NDRG3: variants seen among roughly 807,000 people sequenced by gnomAD.
NDRG3 encodes NDRG family member 3, also known as protein NDRG3.
In NDRG3, 23 loss-of-function variants were observed where a neutral mutation model predicts 57.2. The observed-to-expected ratio is 0.40, with a 90% CI of 0.29 to 0.57. The LOEUF is 0.57. NDRG3 is among the 20% of genes least tolerant of loss of function. The pLI is 0.42. For synonymous variants in NDRG3, 132 were observed against 162.6 expected, an observed-to-expected ratio of 0.81 and a Z score of 1.43; for missense variants, 384 against 457.3, an observed-to-expected ratio of 0.84 and a Z score of 1.46.
chr20:36,734,370 A>C (rs1395882214), intron 1 of NDRG3, among the ~76,000 whole-genome samples: 1 of 152,226 alleles, frequency 6.6e-6, no homozygotes, highest in African/African-American at 2.4e-5. Context: ...AGTGAAAAGA[A>C]GAGAAATTCA....
chr20:36,691,038 C>A (rs1031685696), intron 3 of NDRG3, among the ~76,000 whole-genome samples: 3 of 152,210 alleles, frequency 2.0e-5, no homozygotes, highest in African/African-American at 4.8e-5. Flanking sequence ...CCTATCCTAG[C>A]GAATTTCTGT....
intron 9 of NDRG3, chr20:36,668,792 TTA>T (rs775358033): frequency 9.9e-5 from 15 of 151,218 alleles, no homozygotes; most frequent in Admixed American, 4.6e-4. Context: ...ATATACATAG[TTA>T]TATATAGAGA....
At chr20:36,681,258 GT>G (rs1262222553) in intron 7 of NDRG3, among the ~76,000 whole-genome samples, 1 of 151,134 alleles carries the variant, frequency 6.6e-6, no homozygotes, top group East Asian at 1.9e-4. Context: ...GGCTTCTGAA[GT>G]TTTTTTTTCT....
intron 3 of NDRG3, among the ~76,000 whole-genome samples, chr20:36,696,341 C>G (rs1030433647): frequency 2.6e-5 from 4 of 152,000 alleles, no homozygotes; most frequent in African/African-American, 9.7e-5. Context: ...GTGATCCACC[C>G]ACCTTGGCCT....
intron 9 of NDRG3, 72 bp downstream of exon 9, chr20:36,671,269 T>C (rs927697750): frequency 7.8e-7 from 1 of 1,289,290 alleles, no homozygotes. Context: ...GCAGCCCTTC[T>C]TTCCTAAGGT....
intron 1 of NDRG3, among the ~76,000 whole-genome samples, chr20:36,733,496 G>C (rs538856754): frequency 6.6e-6 from 1 of 151,322 alleles, no homozygotes; most frequent in African/African-American, 2.4e-5. Context: ...AGGCCAAGGC[G>C]GGCGGATCAC....
intron 12 of NDRG3, among the ~76,000 whole-genome samples, chr20:36,663,218 T>C (rs1398061915): frequency 6.6e-6 from 1 of 152,168 alleles, no homozygotes; most frequent in Middle Eastern, 3.2e-3. Context: ...ATGCCATGTA[T>C]TTCACAACAG....
intron 5 of NDRG3, among the ~76,000 whole-genome samples, 199 bp from the exon 6 acceptor site, chr20:36,684,674 A>G (rs545100110): frequency 6.6e-6 from 1 of 152,200 alleles, no homozygotes; most frequent in East Asian, 1.9e-4. Flanking sequence ...ACATGGAGAA[A>G]CCTCATCTCT....
chr20:36,655,330 C>T (rs76552500), intron 15 of NDRG3, among the ~76,000 whole-genome samples: 2,774 of 152,376 alleles, frequency 0.018, 34 homozygotes, highest in Non-Finnish European at 0.027. Flanking sequence ...ATTATCCACA[C>T]TAATACCAAA....
intron 2 of NDRG3, among the ~76,000 whole-genome samples, chr20:36,709,594 G>A (rs191919511): frequency 2.8e-4 from 42 of 152,326 alleles, no homozygotes; most frequent in Admixed American, 1.0e-3. Flanking sequence ...TGATTAAAAG[G>A]AGCATAATGT....
At chr20:36,729,291 T>G (rs1389837552) in intron 1 of NDRG3, among the ~76,000 whole-genome samples, 2 of 151,994 alleles carry the variant, frequency 1.3e-5, no homozygotes, top group Non-Finnish European at 2.9e-5. Context: ...GTGGAATGAG[T>G]AGAGAAAAGA....
At chr20:36,691,440 G>A (rs558122162) in intron 3 of NDRG3, among the ~76,000 whole-genome samples, 9 of 152,284 alleles carry the variant, frequency 5.9e-5, no homozygotes, top group African/African-American at 1.7e-4. Context: ...TAGGCCAGGC[G>A]CGGTGGCTCA....
At chr20:36,670,217 C>T (rs1464777354) in intron 9 of NDRG3, among the ~76,000 whole-genome samples, 1 of 152,074 alleles carries the variant, frequency 6.6e-6, no homozygotes, top group Non-Finnish European at 1.5e-5. Context: ...AAACTATATA[C>T]ATCAGTAAAT....
At chr20:36,716,587 G>C (rs951403389) in intron 2 of NDRG3, among the ~76,000 whole-genome samples, 1 of 150,024 alleles carries the variant, frequency 6.7e-6, no homozygotes, top group Non-Finnish European at 1.5e-5. Flanking sequence ...CCAAAACAAA[G>C]TATATAACTT....
At chr20:36,700,564 A>G in intron 3 of NDRG3, 1 of 508,292 alleles carries the variant, frequency 2.0e-6, no homozygotes, top group East Asian at 5.6e-5. Flanking sequence ...CACTGCAGGG[A>G]GTAACGTGCT....
At chr20:36,739,166 A>AAG (rs1157120131) in intron 1 of NDRG3, among the ~76,000 whole-genome samples, 3 of 116,366 alleles carry the variant, frequency 2.6e-5, no homozygotes, top group Admixed American at 8.5e-5. Flanking sequence ...AAAAAAAAAA[A>AAG]GGCCAGGCAC....
In NDRG3 at chr20:36,676,445, TTTTG is replaced by T. The variant is rs199613635; in HGVS notation, c.531+4367_531+4370del. ...AAACTTTTTCTAACCTAAAAAGTGT[TTTTG>T]TTTGTTTGTTTTTTGTTTTGTTTTG... On this transcript the variant is annotated intron_variant, in intron 8 of 15. Transcript: ENST00000349004. Among the ~76,000 whole-genome samples, 1,457 of 151,996 alleles carry T rather than the reference TTTTG, an allele frequency of 9.6e-3. 12 individuals carry two copies. Among genetic ancestry groups the T allele is most frequent in the African/African-American group, 0.025 (1,019 of 41,488 alleles).
chr20:36,685,144 C>T (rs969995788), intron 5 of NDRG3, among the ~76,000 whole-genome samples: 1 of 152,060 alleles, frequency 6.6e-6, no homozygotes, highest in Non-Finnish European at 1.5e-5. Context: ...AGAGTCAACT[C>T]AGAAAGGGGG....
At chr20:36,678,544 G>T (rs1046868050) in intron 8 of NDRG3, among the ~76,000 whole-genome samples, 1 of 152,140 alleles carries the variant, frequency 6.6e-6, no homozygotes, top group African/African-American at 2.4e-5. Flanking sequence ...AGCCAGGCAT[G>T]GTGGCAGGCA....
Sources: gnomAD v4.1 joint callset for allele counts (sites outside exome capture counted in the v4.1 genomes callset) on GRCh38, gnomAD v4.1.1 for gene constraint, MANE v1.5 for transcripts, NCBI Gene and HGNC (gene_info 2026-07-23, HGNC 2026-07-21) for gene names.